ACTR3B: variants seen among roughly 807,000 people sequenced by gnomAD.
ACTR3B encodes the protein actin related protein 3B, also known as actin-related protein 3B.
In ACTR3B, 8 loss-of-function variants were observed where a neutral mutation model predicts 59.0. That is an observed-to-expected ratio of 0.14 (90% CI 0.08 to 0.24). The LOEUF is 0.24. Among genes scored for constraint, ACTR3B ranks in the 10% least tolerant of loss-of-function variants. The pLI, the probability that ACTR3B is intolerant of heterozygous loss-of-function variation, is 1.00. For synonymous variants in ACTR3B, 148 were observed against 197.9 expected (o/e 0.75, Z 2.12); for missense variants, 245 against 552.3 (o/e 0.44, Z 5.58).
At chr7:152,791,737 T>TA (rs1419132942) in intron 2 of ACTR3B, among the ~76,000 whole-genome samples, 2 of 152,230 alleles carry the variant, frequency 1.3e-5, no homozygotes, top group African/African-American at 4.8e-5. Context: ...TAATTACACT[T>TA]ACTCCTCTCC....
chr7:152,845,717 G>A (rs561543321), intron 9 of ACTR3B, among the ~76,000 whole-genome samples: 278 of 152,240 alleles, frequency 1.8e-3, no homozygotes, highest in African/African-American at 6.1e-3. Flanking sequence ...CAGCTCTCCC[G>A]GCGCTCAGGA....
chr7:152,837,184 A>C lies in ACTR3B; in HGVS notation c.951+12062A>C, dbSNP rs182124904. 6.1e-4 allele frequency among the ~76,000 whole-genome samples: 93 copies of C among 152,332 alleles called. 1 individual carries two copies. Among genetic ancestry groups the C allele is most frequent in the African/African-American group, 8.9e-4 (37 of 41,586 alleles). ...GAGTGAGACCTTGTCTCAAAAAAAA[A>C]CAAACAAACCAAAAAAACAAAAAAA... is the stretch of plus-strand genomic sequence containing the variant. On this transcript the variant is annotated intron_variant, in intron 9 of 11. Coordinates refer to ENST00000256001, the MANE Select transcript of ACTR3B (RefSeq NM_020445.6).
At chr7:152,771,209 C>G (rs550836215) in intron 1 of ACTR3B, among the ~76,000 whole-genome samples, 1 of 152,140 alleles carries the variant, frequency 6.6e-6, no homozygotes, top group Non-Finnish European at 1.5e-5. Flanking sequence ...CCTGCCTCAG[C>G]CTCCCAAAGT....
At chr7:152,822,454 G>T (rs888921993) in intron 7 of ACTR3B, among the ~76,000 whole-genome samples, 1 of 152,184 alleles carries the variant, frequency 6.6e-6, no homozygotes, top group Non-Finnish European at 1.5e-5. Flanking sequence ...GAAACACTTC[G>T]CATCCCTCAG....
chr7:152,780,889 G>A (rs187662854), intron 1 of ACTR3B, among the ~76,000 whole-genome samples: 11 of 146,936 alleles, frequency 7.5e-5, no homozygotes, highest in East Asian at 2.0e-4. Context: ...TCTGTCACCC[G>A]GGCTACAGGG....
At chr7:152,762,849 T>C (rs190188296) in intron 1 of ACTR3B, among the ~76,000 whole-genome samples, 1 of 152,180 alleles carries the variant, frequency 6.6e-6, no homozygotes, top group African/African-American at 2.4e-5. Context: ...ATACAGGATA[T>C]GCATATTTGT....
chr7:152,804,342 A>G (rs2098245758), intron 4 of ACTR3B, among the ~76,000 whole-genome samples: 2 of 152,230 alleles, frequency 1.3e-5, no homozygotes, highest in Non-Finnish European at 2.9e-5. Flanking sequence ...CAAGCAGCAC[A>G]TGCAGACGAC....
At chr7:152,837,140 C>T (rs2311357) in intron 9 of ACTR3B, among the ~76,000 whole-genome samples, 2 of 152,168 alleles carry the variant, frequency 1.3e-5, no homozygotes, top group East Asian at 1.9e-4. Flanking sequence ...TGTACCACTG[C>T]AGTCCCGCCT....
chr7:152,798,021 T>C (rs1294329663), intron 2 of ACTR3B, among the ~76,000 whole-genome samples: 2 of 152,202 alleles, frequency 1.3e-5, no homozygotes, highest in Admixed American at 6.5e-5. Context: ...CTCTTTAACA[T>C]ACTGATTTCA....
At chr7:152,800,180 C>G (rs1563105635) in intron 2 of ACTR3B, among the ~76,000 whole-genome samples, 1 of 152,140 alleles carries the variant, frequency 6.6e-6, no homozygotes, top group Non-Finnish European at 1.5e-5. Flanking sequence ...TTGTCCCCTT[C>G]TATATTGTAT....
intron 2 of ACTR3B, among the ~76,000 whole-genome samples, chr7:152,788,324 G>C (rs1197947152): frequency 6.6e-6 from 1 of 151,898 alleles, no homozygotes; most frequent in Non-Finnish European, 1.5e-5. Context: ...GATAGGAATT[G>C]AGTATTCCTA....
At chr7:152,792,173 C>T (rs2098198811) in intron 2 of ACTR3B, among the ~76,000 whole-genome samples, 1 of 152,128 alleles carries the variant, frequency 6.6e-6, no homozygotes, top group Admixed American at 6.6e-5. Flanking sequence ...AGGTGTGAGC[C>T]ACTGTGCCTG....
chr7:152,788,051 A>G (rs1408679366), intron 2 of ACTR3B, among the ~76,000 whole-genome samples: 3 of 151,826 alleles, frequency 2.0e-5, no homozygotes, highest in Admixed American at 1.3e-4. Context: ...CAGCCTCCCG[A>G]GTAGCTGGAA....
chr7:152,777,112 A>T (rs1485141232), intron 1 of ACTR3B, among the ~76,000 whole-genome samples: 1 of 152,164 alleles, frequency 6.6e-6, no homozygotes, highest in Non-Finnish European at 1.5e-5. Flanking sequence ...GGGTATGTGC[A>T]TTAAAATTTT....
chr7:152,762,317 C>G (rs2098092027), intron 1 of ACTR3B, among the ~76,000 whole-genome samples: 1 of 152,210 alleles, frequency 6.6e-6, no homozygotes, highest in South Asian at 2.1e-4. Context: ...TCTCACTTCT[C>G]TGAGCCAAAC....
chr7:152,781,065 TG>T (rs991374850), intron 1 of ACTR3B, among the ~76,000 whole-genome samples: 2 of 152,046 alleles, frequency 1.3e-5, no homozygotes, highest in African/African-American at 4.8e-5. Flanking sequence ...TTGAACTCAG[TG>T]TGGTGCCAAA....
chr7:152,853,036 G>C (rs1036577353), intron 10 of ACTR3B, among the ~76,000 whole-genome samples: 5 of 152,060 alleles, frequency 3.3e-5, no homozygotes, highest in Non-Finnish European at 7.4e-5. Flanking sequence ...TGTGATCCAT[G>C]CGCCTCGGCC....
At chr7:152,820,593 T>G (rs938354507) in intron 7 of ACTR3B, 151 bp downstream of exon 7, 21 of 1,397,342 alleles carry the variant, frequency 1.5e-5, no homozygotes, top group Non-Finnish European at 2.0e-5. Context: ...TTAAGTGGGC[T>G]GAAGATGTAA....
At chr7:152,804,370 G>A (rs945571611) in intron 4 of ACTR3B, among the ~76,000 whole-genome samples, 1 of 152,210 alleles carries the variant, frequency 6.6e-6, no homozygotes, top group African/African-American at 2.4e-5. Flanking sequence ...GAGAGGGCGT[G>A]GTGATTCTGA....
Sources: gnomAD v4.1 joint callset for allele counts (sites outside exome capture counted in the v4.1 genomes callset) on GRCh38, gnomAD v4.1.1 for gene constraint, MANE v1.5 for transcripts, NCBI Gene and HGNC (gene_info 2026-07-23, HGNC 2026-07-21) for gene names.